Variants in KANSL1 observed in about 807,000 individuals in gnomAD.
The protein encoded by KANSL1 is KAT8 regulatory NSL complex subunit 1, also known as MLL1/MLL complex subunit KANSL1.
In KANSL1, 22 loss-of-function variants were observed where a neutral mutation model predicts 103.6. That is an observed-to-expected ratio of 0.21 (90% confidence interval 0.15 to 0.30). The LOEUF is 0.30. KANSL1 is among the 10% of genes least tolerant of loss of function. The pLI, the probability that KANSL1 is intolerant of heterozygous loss-of-function variation, is 1.00. For missense variants in KANSL1, 1,337 were observed against 1,399.8 expected, an observed-to-expected ratio of 0.96 and a Z score of 0.72; for synonymous variants, 600 against 527.6, an observed-to-expected ratio of 1.14 and a Z score of -1.88.
intron 2 of KANSL1, among the ~76,000 whole-genome samples, chr17:46,102,888 C>CATATCGTA (rs2042381061): frequency 6.6e-6 from 1 of 152,200 alleles, no homozygotes; most frequent in Admixed American, 6.5e-5. Context: ...GAGATCCTAA[C>CATATCGTA]TATGTCAGAT....
At chr17:46,185,666 T>C (rs910036902) in intron 1 of KANSL1, among the ~76,000 whole-genome samples, 39 of 146,066 alleles carry the variant, frequency 2.7e-4, no homozygotes, top group Admixed American at 1.0e-3. Flanking sequence ...CATATATATA[T>C]ACACATATAT....
intron 2 of KANSL1, among the ~76,000 whole-genome samples, chr17:46,095,021 T>C (rs952265601): frequency 2.0e-5 from 3 of 152,186 alleles, no homozygotes; most frequent in African/African-American, 7.2e-5. Context: ...ACATTAAGAA[T>C]AATCTATACA....
chr17:46,078,673 T>C (rs888932016), intron 4 of KANSL1, among the ~76,000 whole-genome samples: 8 of 152,250 alleles, frequency 5.3e-5, no homozygotes, highest in Non-Finnish European at 7.3e-5. Context: ...TTTGCTGACA[T>C]TGTTGAGTAA....
intron 1 of KANSL1, among the ~76,000 whole-genome samples, chr17:46,219,250 T>TTAAAAAAAAAAA (rs71262051): frequency 7.4e-6 from 1 of 135,284 alleles, no homozygotes; most frequent in African/African-American, 2.9e-5. Flanking sequence ...TCTTGTCTCA[T>TTAAAAAAAAAAA]AAAAAAAAAA....
At chr17:46,040,050 T>G in intron 7 of KANSL1, 166 bp from the exon 8 acceptor site, 1 of 543,598 alleles carries the variant, frequency 1.8e-6, no homozygotes, top group Non-Finnish European at 3.2e-6. Context: ...AAGGTCATTC[T>G]TCTATTTGCA....
At position 46,032,264 on chromosome 17, in the gene KANSL1, TG is replaced by T; in HGVS notation, c.2872del (p.Gln958SerfsTer56). On this transcript the variant is annotated frameshift_variant, in exon 14 of 15. Transcript: ENST00000432791. LOFTEE classifies it high-confidence loss of function. ...YRSSDGRTTP[Q>X]LGSANPSTPQ... ...GGTGGAGGGGTTGGCACTGCCCAGC[TG>T]GGGGGTTGTCCGGCCGTCTGATGAC... 4 of 1,534,920 alleles carry T rather than the reference TG, an allele frequency of 2.6e-6. No individual in the cohort carries two copies. The highest frequency in any genetic ancestry group is 1.3e-5 in the South Asian group (1 of 78,280).
chr17:46,177,906 T>C (rs1280371765), intron 1 of KANSL1, among the ~76,000 whole-genome samples: 7 of 152,194 alleles, frequency 4.6e-5, no homozygotes, highest in South Asian at 2.1e-4. Context: ...GCCTCCCCAG[T>C]AGCTGGAACT....
intron 2 of KANSL1, among the ~76,000 whole-genome samples, chr17:46,101,139 G>A (rs576640937): frequency 2.0e-5 from 3 of 152,164 alleles, no homozygotes; most frequent in South Asian, 4.1e-4. Flanking sequence ...ATCCCAGAGC[G>A]TACAATTGCC....
rs146821414 is a variant in KANSL1 at position 46,039,057 on chromosome 17, A to G, written c.2362T>C (p.Leu788=). The stretch of plus-strand genomic sequence containing the variant: ...CTTCTCTCAGATGAATGGTCTCGCA[A>G]TCTCATTTTGCTGTGGTTTGGGTCA... The part of the protein sequence containing the change: ...VHDPNHSKMR[L]RDHSSERSEV... Residue 788 remains leucine (L), a synonymous_variant, in exon 9 of 15, where the codon TTG becomes CTG. Transcript: ENST00000432791. The G allele has an allele frequency of 1.2e-6, 2 of 1,611,178 alleles. No homozygotes were observed. Among genetic ancestry groups the G allele is most frequent in the African/African-American group, 2.7e-5 (2 of 74,744 alleles).
At chr17:46,121,756 T>C (rs1309162321) in intron 2 of KANSL1, among the ~76,000 whole-genome samples, 2 of 152,190 alleles carry the variant, frequency 1.3e-5, no homozygotes, top group African/African-American at 4.8e-5. Context: ...GAATAAACTA[T>C]GGTGTACAGA....
At chr17:46,143,535 T>G (rs1253634090) in intron 2 of KANSL1, among the ~76,000 whole-genome samples, 1 of 151,728 alleles carries the variant, frequency 6.6e-6, no homozygotes, top group Non-Finnish European at 1.5e-5. Context: ...CCGGGCACAG[T>G]GGCTCACGCC....
Position 46,105,893 on chromosome 17 carries a change from AGAG to A in KANSL1, c.1290-11195_1290-11193del, listed in dbSNP as rs1393291645. ...CACACACACACACACACACACACACAGAGCAAGGCCTTGACACACACACACACA... is the reference window on the plus strand; with the variant it reads ...CACACACACACACACACACACACACACAAGGCCTTGACACACACACACACA... On this transcript the variant is annotated intron_variant, in intron 2 of 14. Coordinates refer to ENST00000432791, the MANE Select transcript of KANSL1 (RefSeq NM_015443.4). Among the ~76,000 whole-genome samples, 103 of 118,408 alleles carry A rather than the reference AGAG, an allele frequency of 8.7e-4. 1 individual carries two copies. Among genetic ancestry groups the A allele is most frequent in the Non-Finnish European group, 1.1e-3 (52 of 49,174 alleles). The allele number at this position is 118,408 out of a possible 152,430, so 77.7% of individuals were successfully genotyped here. A position where few individuals can be genotyped will look rare whatever the true frequency, so the allele number is the denominator to read the frequency against.
chr17:46,213,278 T>C (rs561258577), intron 1 of KANSL1, among the ~76,000 whole-genome samples: 1 of 151,910 alleles, frequency 6.6e-6, no homozygotes, highest in Non-Finnish European at 1.5e-5. Context: ...GACAAGCGTT[T>C]TATTTGTTTT....
intron 2 of KANSL1, among the ~76,000 whole-genome samples, chr17:46,155,632 A>ACTT (rs2045382193): frequency 6.6e-6 from 1 of 152,228 alleles, no homozygotes. Context: ...CATGACAAAT[A>ACTT]ATTATTAGTC....
intron 2 of KANSL1, among the ~76,000 whole-genome samples, chr17:46,145,150 T>C (rs1288962416): frequency 6.6e-6 from 1 of 152,256 alleles, no homozygotes; most frequent in Non-Finnish European, 1.5e-5. Flanking sequence ...TTTAACCCGA[T>C]CTACACAATG....
chr17:46,211,771 A>G (rs2048176679), intron 1 of KANSL1, among the ~76,000 whole-genome samples: 1 of 152,276 alleles, frequency 6.6e-6, no homozygotes, highest in Non-Finnish European at 1.5e-5. Context: ...TTATGCTTGA[A>G]AAGTATTTCT....
At chr17:46,100,444 C>CCCAAAA (rs1555763353) in intron 2 of KANSL1, among the ~76,000 whole-genome samples, 1 of 88,264 alleles carries the variant, frequency 1.1e-5, no homozygotes, top group African/African-American at 4.2e-5. Flanking sequence ...TCCCTCTCCC[C>CCCAAAA]AAAAAAAAAA....
At chr17:46,132,480 T>A (rs1410216744) in intron 2 of KANSL1, among the ~76,000 whole-genome samples, 1 of 152,206 alleles carries the variant, frequency 6.6e-6, no homozygotes, top group African/African-American at 2.4e-5. Flanking sequence ...ACCATCAGCA[T>A]CATTTGGGAA....
At chr17:46,076,512 A>AT (rs2078779110) in intron 4 of KANSL1, among the ~76,000 whole-genome samples, 1 of 151,710 alleles carries the variant, frequency 6.6e-6, no homozygotes, top group Admixed American at 6.6e-5. Context: ...AAAAAAAAAA[A>AT]AAATTGTTTT....
Sources: allele counts gnomAD v4.1 joint callset (sites outside exome capture counted in the v4.1 genomes callset), GRCh38; gene constraint gnomAD v4.1.1; transcripts MANE v1.5; gene names NCBI Gene and HGNC (gene_info 2026-07-23, HGNC 2026-07-21).